RARA: variants seen among roughly 807,000 people sequenced by gnomAD.
The protein encoded by RARA is retinoic acid receptor alpha.
A neutral mutation model predicts 42.8 loss-of-function variants in RARA; 5 were observed. That is an observed-to-expected ratio of 0.12 (90% CI 0.06 to 0.25). RARA has a LOEUF of 0.25. Ranked by LOEUF, RARA falls within the 10% of genes least tolerant of loss-of-function variation. The probability of loss-of-function intolerance (pLI) is 1.00; values close to 1 mark genes in which losing one functional copy is unlikely to be tolerated. For synonymous variants in RARA, 256 were observed against 259.5 expected, an observed-to-expected ratio of 0.99 and a Z score of 0.13; for missense variants, 402 against 628.7, an observed-to-expected ratio of 0.64 and a Z score of 3.86.
intron 1 of RARA, among the ~76,000 whole-genome samples, chr17:40,325,586 C>T (rs2033520611): frequency 6.6e-6 from 1 of 152,202 alleles, no homozygotes; most frequent in African/African-American, 2.4e-5. Flanking sequence ...TCTGTTCTGC[C>T]CTGCTTGGCC....
intron 2 of RARA, among the ~76,000 whole-genome samples, chr17:40,333,136 G>T (rs1017240841): frequency 6.6e-6 from 1 of 152,060 alleles, no homozygotes; most frequent in African/African-American, 2.4e-5. Context: ...TGCAACTTCC[G>T]CCTTCCGGAA....
intron 2 of RARA, among the ~76,000 whole-genome samples, chr17:40,340,004 C>T (rs1165889298): frequency 2.0e-5 from 3 of 152,244 alleles, no homozygotes; most frequent in African/African-American, 4.8e-5. Flanking sequence ...CAGGGCCCCA[C>T]ATCCACCTGT....
intron 2 of RARA, among the ~76,000 whole-genome samples, chr17:40,336,841 G>A (rs1363166981): frequency 6.6e-6 from 1 of 152,092 alleles, no homozygotes; most frequent in Admixed American, 6.6e-5. Flanking sequence ...GACTACAGGC[G>A]TGTGCCGCTA....
At position 40,354,265 on chromosome 17, in the gene RARA, G is replaced by A. The variant is rs545701560; in HGVS notation, c.808-37G>A. Reference sequence around the variant, plus strand: ...GTGCCGAGTGCTCAGAGTGGGTTCGGGTTCAGTCCCTGAACCCAAGCATCC... The same window carrying A: ...GTGCCGAGTGCTCAGAGTGGGTTCGAGTTCAGTCCCTGAACCCAAGCATCC... On this transcript the variant is annotated intron_variant, in intron 6 of 8. Coordinates refer to ENST00000254066, the MANE Select transcript of RARA (RefSeq NM_000964.4). The surrounding 1 kb of genome is among the most constrained non-coding windows in gnomAD (Gnocchi z 4.5). 5 of 1,604,038 alleles carry A rather than the reference G, an allele frequency of 3.1e-6. No homozygotes were observed. The Admixed American group carries it at 5.0e-5, about 16-fold the overall frequency.
chr17:40,344,733 A>G lies in RARA; in HGVS notation c.179-3583A>G, dbSNP rs372982493. Reference sequence around the variant, plus strand: ...TCCCGTAGTCTGAGCGTGGGTGTGCATATATAAGTGAGTGAGGTGTCAGTG... The same window carrying G: ...TCCCGTAGTCTGAGCGTGGGTGTGCGTATATAAGTGAGTGAGGTGTCAGTG... On this transcript the variant is annotated intron_variant, in intron 2 of 8. Coordinates refer to ENST00000254066, the MANE Select transcript of RARA (RefSeq NM_000964.4). Among the ~76,000 whole-genome samples the G allele has an allele frequency of 1.0e-3, 152 of 152,268 alleles. 4 individuals are homozygous for G. The South Asian group carries it at 0.028, about 28-fold the overall frequency.
intron 1 of RARA, among the ~76,000 whole-genome samples, chr17:40,317,614 GCCAGGGTTCCTAGGACC>G (rs1021229431): frequency 7.2e-5 from 11 of 152,196 alleles, no homozygotes; most frequent in African/African-American, 1.2e-4. Flanking sequence ...GTTGGGTTGA[GCCAGGGTTCCTAGGACC>G]CACTGGAGCT....
rs1567769632 is a variant in RARA at position 40,357,240 on chromosome 17, G to A, written c.*1014G>A. On this transcript the variant is annotated 3_prime_UTR_variant, in exon 9 of 9. Transcript: ENST00000254066. ...ATCTAGGCTCCCCAGCCCCCACTGT[G>A]AAGGGGCTGGCCAGGGGCCCGAGCT... 2 of 237,950 alleles carry A rather than the reference G, an allele frequency of 8.4e-6. No homozygotes were observed. Among genetic ancestry groups the A allele is most frequent in the Non-Finnish European group, 1.7e-5 (2 of 120,912 alleles). 14.7% of individuals were successfully genotyped at this position (237,950 alleles called of 1,614,324 possible).
At chr17:40,315,104 A>ATG (rs2033168428) in intron 1 of RARA, among the ~76,000 whole-genome samples, 1 of 137,814 alleles carries the variant, frequency 7.3e-6, no homozygotes, top group African/African-American at 2.7e-5. Flanking sequence ...TTATATGTAT[A>ATG]TATATATATA....
chr17:40,322,080 C>T (rs1006400454), intron 1 of RARA, among the ~76,000 whole-genome samples: 1 of 151,976 alleles, frequency 6.6e-6, no homozygotes, highest in African/African-American at 2.4e-5. Flanking sequence ...AAACTGGGAG[C>T]TCAGCTCTGG....
Position 40,354,545 on chromosome 17 carries a change from G to A in RARA, c.1012+39G>A, listed in dbSNP as rs764875142. 9.4e-6 allele frequency: 15 copies of A among 1,590,928 alleles called. No homozygotes were observed. Among genetic ancestry groups the A allele is most frequent in the Non-Finnish European group, 1.2e-5 (14 of 1,164,454 alleles). On this transcript the variant is annotated intron_variant, in intron 7 of 8. Transcript: ENST00000254066. This position sits in a 1 kb window ranked among gnomAD's most constrained non-coding sequence, Gnocchi z 4.5. Reference sequence around the variant, plus strand: ...CTGGGTCTGGGGGCTGGGCTGGGACGGGGGTGCAGCCCTGGAGTCTCTTCC... The same window carrying A: ...CTGGGTCTGGGGGCTGGGCTGGGACAGGGGTGCAGCCCTGGAGTCTCTTCC...
chr17:40,311,356 G>A (rs2033092414), intron 1 of RARA, among the ~76,000 whole-genome samples: 1 of 152,012 alleles, frequency 6.6e-6, no homozygotes, highest in African/African-American at 2.4e-5. Flanking sequence ...GCTCAGGAAT[G>A]AACAGGCTGG....
At position 40,322,381 on chromosome 17, in the gene RARA, G is replaced by A. The variant is rs377054397; in HGVS notation, c.-362-8476G>A. Among the ~76,000 whole-genome samples, 11 of 152,114 alleles carry A rather than the reference G, an allele frequency of 7.2e-5. No homozygotes were observed. In the East Asian group the frequency reaches 1.9e-3, roughly 27 times the overall value. On this transcript the variant is annotated intron_variant, in intron 1 of 8. Transcript: ENST00000254066. ...TGCCGGAGATGAACCTGGAGGCTCA[G>A]GACAGGGCAAGAGTGGGGCACGCCG...
chr17:40,347,835 C>T lies in RARA; in HGVS notation c.179-481C>T, dbSNP rs1384058411. ...TGGCAGAATGGGGTGGAGGGGGGAGCGGAAGCAGAGGGGGCGGGGGAGTGG... is the reference window on the plus strand; with the variant it reads ...TGGCAGAATGGGGTGGAGGGGGGAGTGGAAGCAGAGGGGGCGGGGGAGTGG... On this transcript the variant is annotated intron_variant, in intron 2 of 8. Transcript: ENST00000254066. 4.4e-5 allele frequency among the ~76,000 whole-genome samples: 5 copies of T among 112,806 alleles called. No homozygotes were observed. In the East Asian group the frequency reaches 1.0e-3, roughly 23 times the overall value. The allele number at this position is 112,806 out of a possible 152,430, so 74.0% of individuals were successfully genotyped here. A position where few individuals can be genotyped will look rare whatever the true frequency, so the allele number is the denominator to read the frequency against.
chr17:40,341,575 C>G, intron 2 of RARA: 1 of 1,366,586 alleles, frequency 7.3e-7, no homozygotes, highest in Non-Finnish European at 9.4e-7. Flanking sequence ...GCGGGCGAGC[C>G]CCGCGGGCGG....
rs1376082814 is a variant in RARA, at chr17:40,351,903, T to G, written c.470-7T>G. Reference sequence around the variant, plus strand: ...GCTGCCCTCTTAACCCCCTCTGCCCTCCACAGCTGTGAGAAACGACCGAAA... The same window carrying G: ...GCTGCCCTCTTAACCCCCTCTGCCCGCCACAGCTGTGAGAAACGACCGAAA... On this transcript the variant is annotated splice_polypyrimidine_tract_variant and splice_region_variant and intron_variant, in intron 4 of 8. Coordinates refer to ENST00000254066, the MANE Select transcript of RARA (RefSeq NM_000964.4). The surrounding 1 kb of genome is among the most constrained non-coding windows in gnomAD (Gnocchi z 4.1). 1.2e-6 allele frequency: 2 copies of G among 1,610,812 alleles called. No individual in the cohort carries two copies. Among genetic ancestry groups the G allele is most frequent in the East Asian group, 4.5e-5 (2 of 44,784 alleles).
intron 1 of RARA, among the ~76,000 whole-genome samples, chr17:40,313,059 G>C (rs2033127320): frequency 6.6e-6 from 1 of 152,180 alleles, no homozygotes; most frequent in Non-Finnish European, 1.5e-5. Flanking sequence ...TCTGTGTCCA[G>C]GCTAGAAGGA....
Position 40,331,321 on chromosome 17 carries a change from C to T in RARA, c.103C>T (p.Leu35Phe), listed in dbSNP as rs2143278309. Reference sequence around the variant, plus strand: ...CTTCTTCCCCCCTATGCTGGGTGGACTCTCCCCGCCAGGCGCTCTGACCAC... The same window carrying T: ...CTTCTTCCCCCCTATGCTGGGTGGATTCTCCCCGCCAGGCGCTCTGACCAC... ...AFFFPPMLGG[L>F]SPPGALTTLQ... The change falls in exon 2 of 9, where the codon CTC becomes TTC. Residue 35 changes from leucine (L) to phenylalanine (F), a missense_variant. By Grantham distance (22) the Leu-to-Phe change is conservative. Around this residue, in one of 5 missense-constraint regions of RARA, gnomAD observed 91 missense variants for 105.2 expected, o/e 0.87. Transcript: ENST00000254066. 1.2e-6 allele frequency: 2 copies of T among 1,614,076 alleles called. No homozygotes were observed. Among genetic ancestry groups the T allele is most frequent in the Non-Finnish European group, 1.7e-6 (2 of 1,179,972 alleles).
At chr17:40,350,266 A>G (rs1273765523) in intron 4 of RARA, 5 of 307,164 alleles carry the variant, frequency 1.6e-5, no homozygotes, top group Non-Finnish European at 3.1e-5. Context: ...GGTGGGGCTC[A>G]GAGGCATAGG....
intron 2 of RARA, chr17:40,341,388 A>G (rs954147422): frequency 1.2e-5 from 18 of 1,476,238 alleles, no homozygotes; most frequent in Non-Finnish European, 1.6e-5. Flanking sequence ...CCGGAGTCAC[A>G]CATGATGTCA....
Sources: allele counts gnomAD v4.1 joint callset (sites outside exome capture counted in the v4.1 genomes callset), GRCh38; gene constraint gnomAD v4.1.1; regional missense constraint gnomAD v4.1.1; non-coding constraint Gnocchi (gnomAD v3.1); transcripts MANE v1.5; gene names NCBI Gene and HGNC (gene_info 2026-07-23, HGNC 2026-07-21).